Variants in TENM4 observed in about 807,000 individuals in gnomAD.
TENM4 encodes the protein teneurin transmembrane protein 4.
TENM4 carries 82 observed loss-of-function variants against 243.3 expected under a neutral mutation model. The observed-to-expected ratio is 0.34, with a 90% CI of 0.28 to 0.40. The LOEUF is 0.40. Ranked by LOEUF, TENM4 falls within the 10% of genes least tolerant of loss-of-function variation. The pLI, the probability that TENM4 is intolerant of heterozygous loss-of-function variation, is 1.00. For missense variants in TENM4, 3,138 were observed against 3,673.3 expected, an observed-to-expected ratio of 0.85 and a Z score of 3.77; for synonymous variants, 1,412 against 1,456.3, an observed-to-expected ratio of 0.97 and a Z score of 0.69.
At chr11:78,962,248 T>A (rs1857342921) in intron 6 of TENM4, 2 of 148,130 alleles carry the variant, frequency 1.4e-5, no homozygotes, top group Admixed American at 1.3e-4. Context: ...GCCACACCGT[T>A]GCCTAGCAAC....
chr11:79,321,998 A>G (rs888164605), intron 1 of TENM4, among the ~76,000 whole-genome samples: 17 of 152,160 alleles, frequency 1.1e-4, no homozygotes, highest in Non-Finnish European at 1.5e-4. Flanking sequence ...TCAATGTGAG[A>G]TCAGTTTCAT....
chr11:78,985,238 A>T (rs1459624065), intron 6 of TENM4, among the ~76,000 whole-genome samples: 1 of 152,064 alleles, frequency 6.6e-6, no homozygotes, highest in Non-Finnish European at 1.5e-5. Flanking sequence ...GTATTATTTG[A>T]TGTACACATG....
chr11:79,264,216 G>C (rs988755918), intron 2 of TENM4, among the ~76,000 whole-genome samples: 3 of 152,126 alleles, frequency 2.0e-5, no homozygotes, highest in African/African-American at 7.2e-5. Context: ...TGGCCGGCAC[G>C]GGTGCTTTAC....
chr11:78,687,228 C>G (rs1858706735), intron 29 of TENM4, among the ~76,000 whole-genome samples: 1 of 152,054 alleles, frequency 6.6e-6, no homozygotes. Context: ...CCACCCCATT[C>G]CACACAGCTT....
intron 4 of TENM4, among the ~76,000 whole-genome samples, chr11:79,127,088 T>A (rs1861894932): frequency 1.3e-5 from 2 of 152,070 alleles, no homozygotes; most frequent in South Asian, 4.1e-4. Flanking sequence ...ATTTCCCCAG[T>A]GCTAGAATGC....
intron 1 of TENM4, among the ~76,000 whole-genome samples, chr11:79,343,530 A>G (rs911496040): frequency 6.6e-6 from 1 of 152,198 alleles, no homozygotes; most frequent in Non-Finnish European, 1.5e-5. Flanking sequence ...ATGTTAACCT[A>G]TATAAAGCAG....
At chr11:79,293,521 G>T (rs72949046) in intron 2 of TENM4, among the ~76,000 whole-genome samples, 2 of 144,010 alleles carry the variant, frequency 1.4e-5, no homozygotes, top group African/African-American at 2.6e-5. Flanking sequence ...AAAAAAAAAA[G>T]AAAAAAAAAA....
chr11:79,362,912 G>T (rs980218159), intron 1 of TENM4, among the ~76,000 whole-genome samples: 1 of 152,172 alleles, frequency 6.6e-6, no homozygotes, highest in Non-Finnish European at 1.5e-5. Flanking sequence ...CCACCTTCTT[G>T]TTCCAAAGAA....
chr11:78,773,566 G>A (rs1856683243), intron 17 of TENM4, among the ~76,000 whole-genome samples: 2 of 152,170 alleles, frequency 1.3e-5, no homozygotes, highest in Admixed American at 6.5e-5. Context: ...CTAGATCAGA[G>A]TCAGCAAACT....
chr11:78,709,849 G>C (rs1859355538), intron 26 of TENM4, among the ~76,000 whole-genome samples: 1 of 152,148 alleles, frequency 6.6e-6, no homozygotes, highest in Non-Finnish European at 1.5e-5. Context: ...CCAGGAACAG[G>C]GTGCTTTAAT....
intron 3 of TENM4, among the ~76,000 whole-genome samples, chr11:79,183,550 G>A (rs1455088444): frequency 6.6e-6 from 1 of 152,188 alleles, no homozygotes; most frequent in African/African-American, 2.4e-5. Flanking sequence ...TATGGACTTT[G>A]GGTGATAATG....
At chr11:78,676,426 G>A (rs1175825877) in intron 29 of TENM4, 39 bp from the exon 30 acceptor site, 3 of 1,524,040 alleles carry the variant, frequency 2.0e-6, no homozygotes, top group Middle Eastern at 1.8e-4. Context: ...CAGAAGGAAC[G>A]AAGGTGGAGG....
intron 1 of TENM4, among the ~76,000 whole-genome samples, chr11:79,331,860 C>G (rs1465201081): frequency 6.6e-6 from 1 of 152,222 alleles, no homozygotes; most frequent in African/African-American, 2.4e-5. Context: ...TGTAATGGCT[C>G]TAGTTCCAGC....
At chr11:79,231,600 T>A (rs548805510) in intron 2 of TENM4, among the ~76,000 whole-genome samples, 1 of 152,204 alleles carries the variant, frequency 6.6e-6, no homozygotes, top group Admixed American at 6.5e-5. Flanking sequence ...TTATTCAACA[T>A]CTCTGCGCTT....
At chr11:79,396,071 A>G (rs1858337689) in intron 1 of TENM4, among the ~76,000 whole-genome samples, 1 of 152,196 alleles carries the variant, frequency 6.6e-6, no homozygotes, top group South Asian at 2.1e-4. Context: ...ACCTTTGCTC[A>G]GACCTTCCCC....
intron 20 of TENM4, 140 bp from the exon 21 acceptor site, chr11:78,732,717 T>TA (rs1372473506): frequency 3.0e-6 from 3 of 987,698 alleles, no homozygotes; most frequent in Non-Finnish European, 4.3e-6. Context: ...AATGCCTAAA[T>TA]ATTTGACTGC....
At chr11:79,411,141 C>A (rs1371808976) in intron 1 of TENM4, among the ~76,000 whole-genome samples, 1 of 152,152 alleles carries the variant, frequency 6.6e-6, no homozygotes, top group African/African-American at 2.4e-5. Context: ...AAGTTTAAAG[C>A]TTCTGGGCTA....
chr11:79,259,145 A>G (rs1232433462), intron 2 of TENM4, among the ~76,000 whole-genome samples: 1 of 152,182 alleles, frequency 6.6e-6, no homozygotes, highest in Non-Finnish European at 1.5e-5. Context: ...TAATGAGAAT[A>G]TTGCTTGGCC....
chr11:79,385,450 T>G (rs1858092076), intron 1 of TENM4, among the ~76,000 whole-genome samples: 1 of 152,196 alleles, frequency 6.6e-6, no homozygotes, highest in Non-Finnish European at 1.5e-5. Flanking sequence ...CCTCTATTTG[T>G]GCCTCATCTA....
Sources: gnomAD v4.1 joint callset for allele counts (sites outside exome capture counted in the v4.1 genomes callset) on GRCh38, gnomAD v4.1.1 for gene constraint, MANE v1.5 for transcripts, NCBI Gene and HGNC (gene_info 2026-07-23, HGNC 2026-07-21) for gene names.